Variants in NFIA observed in about 807,000 individuals in gnomAD.
NFIA encodes nuclear factor 1 A-type.
A neutral mutation model predicts 62.8 loss-of-function variants in NFIA; 8 were observed. That is an observed-to-expected ratio of 0.13 (90% CI 0.07 to 0.23). The LOEUF (loss-of-function observed/expected upper bound fraction) is 0.23. NFIA is among the 10% of genes least tolerant of loss of function. The probability of loss-of-function intolerance (pLI) is 1.00; values close to 1 mark genes in which losing one functional copy is unlikely to be tolerated. For missense variants in NFIA, 410 were observed against 642.1 expected, an observed-to-expected ratio of 0.64 and a Z score of 3.91; for synonymous variants, 235 against 238.1, an observed-to-expected ratio of 0.99 and a Z score of 0.12.
chr1:61,126,079 C>CT (rs1167677801), intron 2 of NFIA, among the ~76,000 whole-genome samples: 1 of 152,076 alleles, frequency 6.6e-6, no homozygotes, highest in Non-Finnish European at 1.5e-5. Flanking sequence ...AGTGAGGAAA[C>CT]TAAGTTTATA....
intron 2 of NFIA, among the ~76,000 whole-genome samples, chr1:61,107,166 A>G (rs576884363): frequency 9.9e-5 from 15 of 151,672 alleles, no homozygotes; most frequent in African/African-American, 2.9e-4. Flanking sequence ...AAGTTTCTTT[A>G]TGGTATGTGC....
At chr1:61,354,477 A>T (rs1662723823) in intron 5 of NFIA, among the ~76,000 whole-genome samples, 1 of 152,190 alleles carries the variant, frequency 6.6e-6, no homozygotes, top group East Asian at 1.9e-4. Flanking sequence ...GGTGAGTTGT[A>T]TACCTGTTCT....
intron 4 of NFIA, among the ~76,000 whole-genome samples, chr1:61,350,173 C>G (rs1662473643): frequency 6.6e-6 from 1 of 152,182 alleles, no homozygotes; most frequent in Non-Finnish European, 1.5e-5. Flanking sequence ...CTCAATGCAG[C>G]AACCCATTCC....
intron 2 of NFIA, among the ~76,000 whole-genome samples, chr1:61,242,505 A>G (rs1655406556): frequency 6.6e-6 from 1 of 152,240 alleles, no homozygotes; most frequent in Non-Finnish European, 1.5e-5. Context: ...ATAAATAACC[A>G]GTACTAAACT....
At chr1:61,252,633 C>A (rs770712103) in intron 2 of NFIA, among the ~76,000 whole-genome samples, 31 of 152,260 alleles carry the variant, frequency 2.0e-4, no homozygotes, top group Non-Finnish European at 4.4e-4. Context: ...AACTGGAAAT[C>A]TTTTATGATG....
chr1:61,101,408 A>G (rs1646506488), intron 2 of NFIA, among the ~76,000 whole-genome samples: 1 of 152,058 alleles, frequency 6.6e-6, no homozygotes, highest in South Asian at 2.1e-4. Context: ...AAAAAAAAAA[A>G]AAAAAAGTAG....
At chr1:61,216,048 A>C (rs766724298) in intron 2 of NFIA, among the ~76,000 whole-genome samples, 2 of 152,244 alleles carry the variant, frequency 1.3e-5, no homozygotes, top group Non-Finnish European at 2.9e-5. Context: ...TGAACCTTGC[A>C]TGGTGCTGAT....
chr1:61,232,988 T>C (rs925238110), intron 2 of NFIA, among the ~76,000 whole-genome samples: 3 of 152,206 alleles, frequency 2.0e-5, no homozygotes, highest in Non-Finnish European at 2.9e-5. Context: ...AGAATTGTAA[T>C]TGAGTGTATA....
intron 2 of NFIA, among the ~76,000 whole-genome samples, chr1:61,090,835 G>A (rs575713361): frequency 1.3e-5 from 2 of 152,286 alleles, no homozygotes; most frequent in South Asian, 4.2e-4. Flanking sequence ...CAGGAAGACT[G>A]TAAAAGAAAA....
Position 61,455,441 on chromosome 1 carries a change from C to T in NFIA, c.*121C>T. 1.3e-6 allele frequency: 2 copies of T among 1,514,320 alleles called. No individual in the cohort carries two copies. Among genetic ancestry groups the T allele is most frequent in the Non-Finnish European group, 1.8e-6 (2 of 1,097,080 alleles). 93.8% of individuals were successfully genotyped at this position (1,514,320 alleles called of 1,614,324 possible). On this transcript the variant is annotated 3_prime_UTR_variant, in exon 11 of 11. Transcript: ENST00000403491. Reference sequence around the variant, plus strand: ...CACTATCAGCGGAAGGGGAGAAAAACCGATTCAAATCAACTTGTACATGGA... The same window carrying T: ...CACTATCAGCGGAAGGGGAGAAAAATCGATTCAAATCAACTTGTACATGGA...
In NFIA at chr1:61,142,914, C is replaced by T. The variant is rs377206085; in HGVS notation, c.559+54234C>T. ...GAACAGTGCAGCCTCTCTTCTGATG[C>T]ACTCACCCTGGCGAGGAGAACCGCT... is the stretch of plus-strand genomic sequence containing the variant. On this transcript the variant is annotated intron_variant, in intron 2 of 10. Transcript: ENST00000403491. 5.3e-5 allele frequency among the ~76,000 whole-genome samples: 8 copies of T among 152,156 alleles called. No homozygotes were observed. The East Asian group carries it at 1.2e-3, about 22-fold the overall frequency.
intron 10 of NFIA, among the ~76,000 whole-genome samples, chr1:61,447,457 A>G (rs769747597): frequency 1.9e-4 from 29 of 152,342 alleles, no homozygotes; most frequent in Non-Finnish European, 3.1e-4. Flanking sequence ...AAAGAAACAG[A>G]TAATAAACAT....
At chr1:61,253,385 A>G (rs1485981789) in intron 2 of NFIA, 1 of 152,248 alleles carries the variant, frequency 6.6e-6, no homozygotes, top group African/African-American at 2.4e-5. Flanking sequence ...ACAGGTACAG[A>G]AGTTAGTCCT....
chr1:61,085,476 T>G (rs189541094), intron 1 of NFIA, among the ~76,000 whole-genome samples: 95 of 152,274 alleles, frequency 6.2e-4, no homozygotes, highest in African/African-American at 2.1e-3. Flanking sequence ...TGAGTACATA[T>G]GTAAAACGTT....
At chr1:61,258,387 C>T (rs552042692) in intron 2 of NFIA, among the ~76,000 whole-genome samples, 3 of 152,282 alleles carry the variant, frequency 2.0e-5, no homozygotes, top group South Asian at 4.1e-4. Flanking sequence ...TAAATGCGTG[C>T]TACAATGAAA....
chr1:61,288,024 G>T (rs1658617949), intron 3 of NFIA, among the ~76,000 whole-genome samples: 2 of 152,238 alleles, frequency 1.3e-5, no homozygotes, highest in South Asian at 2.1e-4. Flanking sequence ...TAGCCCAGTA[G>T]TTTTCTTGGA....
chr1:61,260,002 T>A (rs1381176423), intron 2 of NFIA, among the ~76,000 whole-genome samples: 1 of 152,168 alleles, frequency 6.6e-6, no homozygotes, highest in Non-Finnish European at 1.5e-5. Flanking sequence ...CATCTTGTGT[T>A]GCAGCTTTGT....
intron 2 of NFIA, among the ~76,000 whole-genome samples, chr1:61,115,192 G>A (rs1322061589): frequency 6.6e-6 from 1 of 152,100 alleles, no homozygotes; most frequent in Admixed American, 6.5e-5. Context: ...TGTTGGCCAG[G>A]CTGATCTTGA....
intron 5 of NFIA, among the ~76,000 whole-genome samples, chr1:61,355,033 T>C (rs769263404): frequency 3.3e-5 from 5 of 152,154 alleles, no homozygotes; most frequent in Non-Finnish European, 5.9e-5. Flanking sequence ...CATTTTGCAG[T>C]CTTAGGAATG....
Sources: gnomAD v4.1 joint callset for allele counts (sites outside exome capture counted in the v4.1 genomes callset) on GRCh38, gnomAD v4.1.1 for gene constraint, MANE v1.5 for transcripts, NCBI Gene and HGNC (gene_info 2026-07-23, HGNC 2026-07-21) for gene names.